Variants in TBC1D32 observed in about 807,000 individuals in gnomAD.
TBC1D32 encodes the protein protein broad-minded.
TBC1D32 carries 151 observed loss-of-function variants against 170.3 expected under a neutral mutation model. The observed-to-expected ratio is 0.89, with a 90% confidence interval of 0.78 to 1.01. TBC1D32 has a LOEUF of 1.01. Among genes scored for constraint, TBC1D32 ranks in the 50% least tolerant of loss-of-function variants. The probability of loss-of-function intolerance (pLI) is 0.00; values close to 1 mark genes in which losing one functional copy is unlikely to be tolerated. For synonymous variants in TBC1D32, 498 were observed against 488.0 expected (o/e 1.02, Z -0.27); for missense variants, 1,464 against 1,457.1 (o/e 1.00, Z -0.08).
intron 22 of TBC1D32, among the ~76,000 whole-genome samples, chr6:121,204,053 A>G (rs1439510984): frequency 1.3e-5 from 2 of 150,984 alleles, no homozygotes; most frequent in Non-Finnish European, 2.9e-5. Flanking sequence ...TCGATGTTCT[A>G]TAACTGCAAA....
intron 15 of TBC1D32, among the ~76,000 whole-genome samples, chr6:121,261,690 T>C (rs1799790361): frequency 6.6e-6 from 1 of 151,758 alleles, no homozygotes; most frequent in Non-Finnish European, 1.5e-5. Context: ...ATGAAAAAAA[T>C]GCTGAAAACC....
chr6:121,190,903 C>T (rs1326426351), intron 22 of TBC1D32, among the ~76,000 whole-genome samples: 5 of 151,456 alleles, frequency 3.3e-5, no homozygotes, highest in African/African-American at 1.2e-4. Flanking sequence ...CTCTTTATCC[C>T]GCCACTTTCT....
chr6:121,299,483 G>A lies in TBC1D32; in HGVS notation c.1103C>T (p.Thr368Ile). 3 of 1,512,792 alleles carry A rather than the reference G, an allele frequency of 2.0e-6. No individual in the cohort carries two copies. The highest frequency in any genetic ancestry group is 2.7e-6 in the Non-Finnish European group (3 of 1,105,648). The allele number at this position is 1,512,792 out of a possible 1,614,324, so 93.7% of individuals were successfully genotyped here. The change falls in exon 10 of 32, where the codon ACA becomes ATA. Residue 368 changes from threonine to isoleucine, a missense_variant. Coordinates refer to ENST00000398212, the MANE Select transcript of TBC1D32 (RefSeq NM_152730.6). ...KWMHAHYSRTTVLRLLETKYK... is the reference protein window; with the variant it reads ...KWMHAHYSRTIVLRLLETKYK... The stretch of plus-strand genomic sequence containing the variant: ...TTTCGTTTCAAGAAGTCTTAATACT[G>A]TAGTTCTGCTATAATGTGCATGCTA...
intron 17 of TBC1D32, among the ~76,000 whole-genome samples, chr6:121,254,922 C>T (rs1365941378): frequency 6.6e-6 from 1 of 151,848 alleles, no homozygotes; most frequent in Non-Finnish European, 1.5e-5. Context: ...AAGCCAAAAC[C>T]TAACTGAAAT....
chr6:121,231,775 T>C (rs1795773850), intron 20 of TBC1D32, among the ~76,000 whole-genome samples: 1 of 152,204 alleles, frequency 6.6e-6, no homozygotes, highest in South Asian at 2.1e-4. Flanking sequence ...GCTTGTGTTT[T>C]TCTTGCTGAT....
chr6:121,220,640 CTTTT>C (rs923251281), intron 21 of TBC1D32, among the ~76,000 whole-genome samples: 2 of 126,206 alleles, frequency 1.6e-5, no homozygotes. Context: ...TTTTCTTTTT[CTTTT>C]TTTTTTTTTT....
chr6:121,152,432 T>G (rs1036142129), intron 24 of TBC1D32, among the ~76,000 whole-genome samples: 1 of 152,132 alleles, frequency 6.6e-6, no homozygotes, highest in East Asian at 1.9e-4. Context: ...GCCTTAAAAT[T>G]TTTTCCTTTA....
At chr6:121,319,475 T>TTCTAGCTGG (rs1809394465) in intron 2 of TBC1D32, among the ~76,000 whole-genome samples, 1 of 152,124 alleles carries the variant, frequency 6.6e-6, no homozygotes, top group Non-Finnish European at 1.5e-5. Context: ...AGTGATTGAA[T>TTCTAGCTGG]TCTAGCTGGT....
intron 28 of TBC1D32, among the ~76,000 whole-genome samples, 178 bp downstream of exon 28, chr6:121,112,884 A>G (rs975136323): frequency 6.6e-6 from 1 of 152,130 alleles, no homozygotes; most frequent in Non-Finnish European, 1.5e-5. Flanking sequence ...TTACAACTCA[A>G]TTTAACAAAA....
At chr6:121,328,387 G>T (rs6569197) in intron 1 of TBC1D32, among the ~76,000 whole-genome samples, 97,388 of 151,650 alleles carry the variant, frequency 0.64, 36,710 homozygotes, top group Non-Finnish European at 0.84. Context: ...CCAGGTTCAC[G>T]CCATTCTCCT....
At chr6:121,137,023 CTA>C (rs1337740927) in intron 24 of TBC1D32, among the ~76,000 whole-genome samples, 2 of 152,148 alleles carry the variant, frequency 1.3e-5, no homozygotes, top group African/African-American at 4.8e-5. Context: ...ACTCTAATGA[CTA>C]TATTATGGTA....
intron 19 of TBC1D32, among the ~76,000 whole-genome samples, chr6:121,240,509 A>G (rs1796835425): frequency 6.6e-6 from 1 of 151,944 alleles, no homozygotes; most frequent in Non-Finnish European, 1.5e-5. Flanking sequence ...CACTCATGTT[A>G]TAATTCAACT....
At position 121,304,773 on chromosome 6, in the gene TBC1D32, C is replaced by T. The variant is rs1425173293; in HGVS notation, c.751G>A (p.Glu251Lys). ...FLLSPLHMTKEIYTSLAKYLE... is the reference protein window; with the variant it reads ...FLLSPLHMTKKIYTSLAKYLE... ...AACATACCTAAGCTTGTATAAATTT[C>T]CTTGGTCATATGTAATGGAGAAAGC... Residue 251 changes from glutamate (E) to lysine (K), a missense_variant, in exon 6 of 32, where the codon GAA (glutamate) becomes AAA (lysine). By Grantham distance (56) the Glu-to-Lys change is moderately conservative. Coordinates refer to ENST00000398212, the MANE Select transcript of TBC1D32 (RefSeq NM_152730.6). The T allele has an allele frequency of 1.9e-6, 3 of 1,606,720 alleles. No homozygotes were observed. Among genetic ancestry groups the T allele is most frequent in the South Asian group, 1.1e-5 (1 of 89,240 alleles).
intron 3 of TBC1D32, among the ~76,000 whole-genome samples, chr6:121,311,299 A>G (rs1049483514): frequency 7.2e-5 from 11 of 152,142 alleles, no homozygotes; most frequent in Non-Finnish European, 1.3e-4. Context: ...TTGGTGAAAA[A>G]ACTCCTGAAG....
intron 30 of TBC1D32, among the ~76,000 whole-genome samples, chr6:121,097,962 G>A (rs1199309177): frequency 2.0e-5 from 3 of 151,700 alleles, no homozygotes; most frequent in African/African-American, 7.3e-5. Flanking sequence ...ACTAAACACT[G>A]CATCTTCTCA....
chr6:121,085,641 C>T (rs1776185343), intron 31 of TBC1D32, among the ~76,000 whole-genome samples: 1 of 151,812 alleles, frequency 6.6e-6, no homozygotes, highest in Non-Finnish European at 1.5e-5. Context: ...CATGCTTCTG[C>T]CAAATAAATT....
rs538008565 is a variant in TBC1D32 at position 121,321,135 on chromosome 6, T to C, written c.317+498A>G. ...AATATTAGAAGTGTTTTTATCTTTA[T>C]TTAGAAGTTTGGTGATGTTTCTTTG... is the stretch of plus-strand genomic sequence containing the variant. On this transcript the variant is annotated intron_variant, in intron 2 of 31. Transcript: ENST00000398212. 2.6e-5 allele frequency among the ~76,000 whole-genome samples: 4 copies of C among 152,330 alleles called. No homozygotes were observed. In the South Asian group the frequency reaches 8.3e-4, roughly 32 times the overall value.
intron 22 of TBC1D32, among the ~76,000 whole-genome samples, chr6:121,177,458 G>A (rs569492152): frequency 6.6e-6 from 1 of 152,262 alleles, no homozygotes; most frequent in African/African-American, 2.4e-5. Context: ...TTCTCGTATA[G>A]TCTGCAGAAC....
At position 121,328,355 on chromosome 6, in the gene TBC1D32, G is replaced by A. The variant is rs767787875; in HGVS notation, c.155+5921C>T. Among the ~76,000 whole-genome samples, 30 of 151,746 alleles carry A rather than the reference G, an allele frequency of 2.0e-4. 1 individual carries two copies. The highest frequency in any genetic ancestry group is 3.9e-4 in the Admixed American group (6 of 15,214). ...GGCTGGAGTGCAGTGACGCGATCTC[G>A]GCTCTCTGCAAGCTCCGCCTCCCAG... On this transcript the variant is annotated intron_variant, in intron 1 of 31. Transcript: ENST00000398212.
Sources: gnomAD v4.1 joint callset for allele counts (sites outside exome capture counted in the v4.1 genomes callset) on GRCh38, gnomAD v4.1.1 for gene constraint, MANE v1.5 for transcripts, NCBI Gene and HGNC (gene_info 2026-07-23, HGNC 2026-07-21) for gene names.